Variants in PRSS23 observed in about 807,000 individuals in gnomAD.
PRSS23 encodes the protein protease, serine 23.
A neutral mutation model predicts 34.7 loss-of-function variants in PRSS23; 25 were observed. The observed-to-expected ratio is 0.72, with a 90% CI of 0.53 to 1.01. PRSS23 has a LOEUF of 1.01. Among genes scored for constraint, PRSS23 ranks in the 50% least tolerant of loss-of-function variants. The pLI, the probability that PRSS23 is intolerant of heterozygous loss-of-function variation, is 0.00. For missense variants in PRSS23, 445 were observed against 475.6 expected (o/e 0.94, Z 0.60); for synonymous variants, 176 against 186.6 (o/e 0.94, Z 0.46).
chr11:86,873,329 G>A (rs1026362219), intron 2 of PRSS23, among the ~76,000 whole-genome samples: 1 of 149,922 alleles, frequency 6.7e-6, no homozygotes, highest in African/African-American at 2.5e-5. Context: ...GTTTCACTCT[G>A]TTATCCAGGC....
At chr11:86,917,214 G>A (rs958978143) in intron 2 of PRSS23, among the ~76,000 whole-genome samples, 16 of 152,316 alleles carry the variant, frequency 1.1e-4, no homozygotes, top group African/African-American at 3.4e-4. Flanking sequence ...AGCTACTCGG[G>A]AGACTGAGGT....
At chr11:86,795,807 A>C (rs1033455774), upstream of PRSS23, among the ~76,000 whole-genome samples, 4 of 152,244 alleles carry the variant, frequency 2.6e-5, no homozygotes, top group Non-Finnish European at 4.4e-5. Context: ...TCAAAGAAAT[A>C]TGAAACCATA....
chr11:86,875,051 G>A (rs2134952395), intron 2 of PRSS23, among the ~76,000 whole-genome samples: 2 of 152,292 alleles, frequency 1.3e-5, no homozygotes, highest in South Asian at 2.1e-4. Context: ...CAGTAAATAA[G>A]GCAGGAACTG....
At chr11:86,940,885 G>T (rs750838902) in intron 2 of PRSS23, 1 of 152,238 alleles carries the variant, frequency 6.6e-6, no homozygotes, top group East Asian at 1.9e-4. Flanking sequence ...GACAACAGTA[G>T]TAAGAGAAGA....
At chr11:86,800,326 G>A (rs888278816), upstream of PRSS23, 4 of 481,196 alleles carry the variant, frequency 8.3e-6, no homozygotes, top group Non-Finnish European at 1.1e-5. Context: ...GCGCCACCGG[G>A]GCCCACCTGC....
intron 2 of PRSS23, among the ~76,000 whole-genome samples, chr11:86,856,271 AT>A (rs1948570298): frequency 1.3e-5 from 2 of 151,942 alleles, no homozygotes; most frequent in Non-Finnish European, 2.9e-5. Flanking sequence ...GTTCTTATTC[AT>A]TGGAGCTTGA....
At chr11:86,920,833 C>T (rs961493578) in intron 2 of PRSS23, among the ~76,000 whole-genome samples, 4 of 152,186 alleles carry the variant, frequency 2.6e-5, no homozygotes, top group East Asian at 1.9e-4. Flanking sequence ...CCCTCAGTAA[C>T]GACCTAGCCT....
At chr11:86,951,721 A>G in exon 3 of PRSS23, 1 of 1,614,232 alleles carries the variant, frequency 6.2e-7, no homozygotes. Context: ...TGTGGAAATA[A>G]GAGCTGTGCA....
intron 2 of PRSS23, among the ~76,000 whole-genome samples, chr11:86,873,001 A>G (rs757278697): frequency 1.3e-5 from 2 of 152,056 alleles, no homozygotes; most frequent in Admixed American, 6.6e-5. Flanking sequence ...AATGGACTCA[A>G]TCAACTATTA....
intron 2 of PRSS23, among the ~76,000 whole-genome samples, chr11:86,942,833 G>T (rs1225213854): frequency 6.6e-6 from 1 of 152,102 alleles, no homozygotes; most frequent in Non-Finnish European, 1.5e-5. Context: ...ATATTTAGTG[G>T]GATCCTCCCA....
At chr11:86,917,790 T>G (rs915983348) in intron 2 of PRSS23, among the ~76,000 whole-genome samples, 1 of 152,210 alleles carries the variant, frequency 6.6e-6, no homozygotes, top group African/African-American at 2.4e-5. Flanking sequence ...CACCCAGTAT[T>G]GGAAGCCTTC....
chr11:86,927,998 A>G (rs1050200983), intron 2 of PRSS23, among the ~76,000 whole-genome samples: 1 of 151,842 alleles, frequency 6.6e-6, no homozygotes, highest in Admixed American at 6.6e-5. Flanking sequence ...TACAAGCTCC[A>G]TGTCCTTAAA....
chr11:86,880,123 A>G (rs1948762992), intron 2 of PRSS23, among the ~76,000 whole-genome samples: 1 of 152,122 alleles, frequency 6.6e-6, no homozygotes, highest in South Asian at 2.1e-4. Flanking sequence ...CTGCCTTGTG[A>G]TCCTGTTGAT....
At chr11:86,904,286 C>A (rs549030476) in intron 2 of PRSS23, among the ~76,000 whole-genome samples, 11 of 152,046 alleles carry the variant, frequency 7.2e-5, no homozygotes, top group Non-Finnish European at 1.2e-4. Flanking sequence ...GGATTTTAGT[C>A]CTGCCCCACC....
At chr11:86,857,876 G>C (rs1451417597) in intron 2 of PRSS23, 3 of 510,342 alleles carry the variant, frequency 5.9e-6, no homozygotes, top group Non-Finnish European at 1.2e-5. Context: ...CTGCCAGCCA[G>C]GATGATGAAC....
chr11:86,926,297 A>G (rs548908310), intron 2 of PRSS23, among the ~76,000 whole-genome samples: 17 of 152,208 alleles, frequency 1.1e-4, no homozygotes, highest in Non-Finnish European at 2.2e-4. Flanking sequence ...AGGGAGGCAG[A>G]GGTTACAGTG....
At chr11:86,842,619 TTCCTATACACCAATAA>T (rs1948457026) in intron 2 of PRSS23, among the ~76,000 whole-genome samples, 2 of 152,140 alleles carry the variant, frequency 1.3e-5, no homozygotes, top group Admixed American at 6.5e-5. Flanking sequence ...ATGACAAGCA[TTCCTATACACCAATAA>T]TAGAGAGCTA....
At chr11:86,804,661 T>C (rs1209164088) in intron 1 of PRSS23, among the ~76,000 whole-genome samples, 1 of 152,236 alleles carries the variant, frequency 6.6e-6, no homozygotes, top group African/African-American at 2.4e-5. Flanking sequence ...TTGTAAGAAC[T>C]CTGAATTAGT....
intron 2 of PRSS23, among the ~76,000 whole-genome samples, chr11:86,873,285 C>CAT (rs34873529): frequency 1.1e-5 from 1 of 87,380 alleles, no homozygotes. Context: ...CATATATATA[C>CAT]ATATATATAT....
Sources: allele counts gnomAD v4.1 joint callset (sites outside exome capture counted in the v4.1 genomes callset), GRCh38; gene constraint gnomAD v4.1.1; transcripts MANE v1.5; gene names NCBI Gene and HGNC (gene_info 2026-07-23, HGNC 2026-07-21).